The following CHI3L2 variants were observed in gnomAD, a reference collection of about 807,000 sequenced individuals.
CHI3L2 encodes the protein chitinase-3-like protein 2.
CHI3L2 carries 47 observed loss-of-function variants against 47.3 expected under a neutral mutation model. The observed-to-expected ratio is 0.99, with a 90% CI of 0.79 to 1.27. The LOEUF (loss-of-function observed/expected upper bound fraction) is 1.27, where lower values mean the gene tolerates loss of function less well. CHI3L2 is among the 50% of genes most tolerant of loss of function. The probability of loss-of-function intolerance (pLI) is 0.00; values close to 1 mark genes in which losing one functional copy is unlikely to be tolerated. For synonymous variants in CHI3L2, 198 were observed against 169.9 expected, an observed-to-expected ratio of 1.17 and a Z score of -1.28; for missense variants, 497 against 462.1, an observed-to-expected ratio of 1.08 and a Z score of -0.69.
chr1:111,230,892 A>C lies in CHI3L2; in HGVS notation c.221A>C (p.Lys74Thr), dbSNP rs1659697083. 1 of 1,614,084 alleles carries C rather than the reference A, an allele frequency of 6.2e-7. No individual in the cohort carries two copies. Among genetic ancestry groups the C allele is most frequent in the South Asian group, 1.1e-5 (1 of 91,088 alleles). ...ATCGAAAACAACAAGGTTATCATCA[A>C]GGACAAGAGTGAAGTGATGCTCTAC... ...ASIENNKVII[K>T]DKSEVMLYQT... The change falls in exon 3 of 11, where the codon AAG (lysine) becomes ACG (threonine). Residue 74 changes from lysine to threonine, a missense_variant. Transcript: ENST00000369748.
In CHI3L2 at chr1:111,242,318, C is replaced by T. The variant is rs750652763; in HGVS notation, c.1127C>T (p.Pro376Leu). The part of the protein sequence containing the change: ...DFTGKSCNQG[P>L]YPLVQAVKRS... The stretch of plus-strand genomic sequence containing the variant: ...ACTGGCAAATCCTGCAACCAGGGCC[C>T]TTACCCTCTTGTCCAAGCAGTCAAG... Residue 376 changes from proline (P) to leucine (L), a missense_variant, in exon 10 of 11, where the codon CCT (proline) becomes CTT (leucine). By Grantham distance (98) the Pro-to-Leu change is moderately conservative. Transcript: ENST00000369748. 4.3e-6 allele frequency: 7 copies of T among 1,613,674 alleles called. No individual in the cohort carries two copies. Among genetic ancestry groups the T allele is most frequent in the Non-Finnish European group, 5.9e-6 (7 of 1,179,886 alleles).
Position 111,242,386 on chromosome 1 carries a change from C to A in CHI3L2, c.*2+20C>A. ...GTGAAGGTAACAGTCCAGGCTGGAGCTGGGAGTGGGCAGACAGCTGGGCAG... is the reference window on the plus strand; with the variant it reads ...GTGAAGGTAACAGTCCAGGCTGGAGATGGGAGTGGGCAGACAGCTGGGCAG... On this transcript the variant is annotated intron_variant, in intron 10 of 10. Transcript: ENST00000369748. 1.3e-6 allele frequency: 2 copies of A among 1,579,300 alleles called. No homozygotes were observed. Among genetic ancestry groups the A allele is most frequent in the South Asian group, 1.2e-5 (1 of 84,900 alleles).
chr1:111,242,394 G>A, intron 10 of CHI3L2, 28 bp downstream of exon 10: 1 of 1,572,148 alleles, frequency 6.4e-7, no homozygotes, highest in Non-Finnish European at 8.6e-7. Flanking sequence ...AGCTGGGAGT[G>A]GGCAGACAGC....
chr1:111,238,768 T>C lies in CHI3L2; in HGVS notation c.754T>C (p.Trp252Arg). Residue 252 changes from tryptophan (W) to arginine (R), a missense_variant, in exon 8 of 11, where the codon TGG (tryptophan) becomes CGG (arginine). Trp to Arg is a moderately radical substitution (Grantham distance 101). Coordinates refer to ENST00000369748, the MANE Select transcript of CHI3L2 (RefSeq NM_004000.3). The stretch of plus-strand genomic sequence containing the variant: ...ATTCTAGGAATATGCTGTGGGGTAC[T>C]GGATACATAAGGGAATGCCATCAGA... ...YYNVEYAVGY[W>R]IHKGMPSEKV... 5.0e-6 allele frequency: 8 copies of C among 1,614,026 alleles called. No homozygotes were observed. Among genetic ancestry groups the C allele is most frequent in the Non-Finnish European group, 6.8e-6 (8 of 1,179,940 alleles).
Position 111,230,812 on chromosome 1 carries a change from C to G in CHI3L2, c.141C>G (p.Thr47=). Residue 47 remains threonine, a synonymous_variant, in exon 3 of 11, where the codon ACC becomes ACG. Coordinates refer to ENST00000369748, the MANE Select transcript of CHI3L2 (RefSeq NM_004000.3). The part of the protein sequence containing the change: ...SQDRQEPGKF[T]PENIDPFLCS... ...ACCGGCAGGAACCAGGAAAATTCACCCCTGAGAATATTGACCCCTTCCTAT... is the reference window on the plus strand; with the variant it reads ...ACCGGCAGGAACCAGGAAAATTCACGCCTGAGAATATTGACCCCTTCCTAT... The G allele has an allele frequency of 6.2e-7, 1 of 1,614,052 alleles. No homozygotes were observed. Among genetic ancestry groups the G allele is most frequent in the Non-Finnish European group, 8.5e-7 (1 of 1,180,010 alleles).
chr1:111,243,153 G>A (rs990680382), intron 10 of CHI3L2, 64 bp from the exon 11 acceptor site: 5 of 455,904 alleles, frequency 1.1e-5, no homozygotes, highest in African/African-American at 6.0e-5. Flanking sequence ...CCATTGTTTA[G>A]TAACTTGACT....
chr1:111,233,650 G>T (rs972561519), intron 4 of CHI3L2, among the ~76,000 whole-genome samples: 1 of 152,048 alleles, frequency 6.6e-6, no homozygotes, highest in African/African-American at 2.4e-5. Flanking sequence ...ACTGGGAAGT[G>T]AGGAGCCCCT....
At position 111,236,167 on chromosome 1, in the gene CHI3L2, G is replaced by C. The variant is rs754858405; in HGVS notation, c.735+14G>C. Reference sequence around the variant, plus strand: ...TACTACAATGTGGTGAGTAGGCCAGGGGAACCGCAGGGGTACTGGCTGTGG... The same window carrying C: ...TACTACAATGTGGTGAGTAGGCCAGCGGAACCGCAGGGGTACTGGCTGTGG... On this transcript the variant is annotated intron_variant, in intron 7 of 10. Coordinates refer to ENST00000369748, the MANE Select transcript of CHI3L2 (RefSeq NM_004000.3). 6.2e-7 allele frequency: 1 copy of C among 1,613,694 alleles called. No individual in the cohort carries two copies. The highest frequency in any genetic ancestry group is 8.5e-7 in the Non-Finnish European group (1 of 1,179,730).
chr1:111,240,140 A>AT (rs1053127842), intron 8 of CHI3L2, among the ~76,000 whole-genome samples: 2 of 151,942 alleles, frequency 1.3e-5, no homozygotes, highest in South Asian at 4.2e-4. Flanking sequence ...GAGAAAAAAA[A>AT]ATATCATTCT....
At chr1:111,231,133 C>CA in intron 3 of CHI3L2, 105 bp from the exon 4 acceptor site, 1 of 1,083,420 alleles carries the variant, frequency 9.2e-7, no homozygotes, top group Non-Finnish European at 1.4e-6. Flanking sequence ...TTCAAACAGC[C>CA]AGGCCCTAAT....
Position 111,235,658 on chromosome 1 carries a change from A to G in CHI3L2, c.500A>G (p.Gln167Arg), listed in dbSNP as rs765221213. 20 of 1,614,000 alleles carry G rather than the reference A, an allele frequency of 1.2e-5. No individual in the cohort carries two copies. The African/African-American group carries it at 2.3e-4, about 18-fold the overall frequency. Residue 167 changes from glutamine (Q) to arginine (R), a missense_variant, in exon 6 of 11, where the codon CAG becomes CGG. Coordinates refer to ENST00000369748, the MANE Select transcript of CHI3L2 (RefSeq NM_004000.3). ...VLIHELAEAF[Q>R]KDFTKSTKER... ...TCCTAGGAGTTAGCAGAAGCCTTTC[A>G]GAAGGACTTCACAAAATCCACCAAG...
At chr1:111,234,146 C>A (rs1659808694) in intron 4 of CHI3L2, among the ~76,000 whole-genome samples, 1 of 149,384 alleles carries the variant, frequency 6.7e-6, no homozygotes, top group Non-Finnish European at 1.5e-5. Context: ...TCCTATGACC[C>A]TGCCAAATCC....
chr1:111,238,945 C>A lies in CHI3L2; in HGVS notation c.918+13C>A, dbSNP rs374279719. The A allele has an allele frequency of 1.5e-5, 24 of 1,564,734 alleles. No homozygotes were observed. The highest frequency in any genetic ancestry group is 2.0e-5 in the Non-Finnish European group (23 of 1,159,522). ...GGCCTATTATGAGGTACCTGGAAAC[C>A]CCCTGTACCCTCAGCTCCCTGCCAT... On this transcript the variant is annotated intron_variant, in intron 8 of 10. Transcript: ENST00000369748.
intron 4 of CHI3L2, among the ~76,000 whole-genome samples, chr1:111,232,067 T>C (rs1342762124): frequency 2.0e-5 from 3 of 152,224 alleles, no homozygotes; most frequent in Admixed American, 1.3e-4. Flanking sequence ...AGAAATCTGA[T>C]AGTACAACTT....
At position 111,242,126 on chromosome 1, in the gene CHI3L2, T is replaced by G. The variant is rs1001150354; in HGVS notation, c.1036-101T>G. The G allele has an allele frequency of 2.1e-6, 3 of 1,460,924 alleles. No individual in the cohort carries two copies. In the South Asian group the frequency reaches 3.5e-5, roughly 17 times the overall value. The allele number at this position is 1,460,924 out of a possible 1,614,324, so 90.5% of individuals were successfully genotyped here. Reference sequence around the variant, plus strand: ...AACTCCAGAAAACCAGTTAGTCTACTGCTGTATTTTAAGCTTAGTCCCTCA... The same window carrying G: ...AACTCCAGAAAACCAGTTAGTCTACGGCTGTATTTTAAGCTTAGTCCCTCA... On this transcript the variant is annotated intron_variant, in intron 9 of 10. Coordinates refer to ENST00000369748, the MANE Select transcript of CHI3L2 (RefSeq NM_004000.3).
intron 8 of CHI3L2, among the ~76,000 whole-genome samples, chr1:111,239,882 C>A (rs1438185792): frequency 6.6e-6 from 1 of 152,146 alleles, no homozygotes; most frequent in African/African-American, 2.4e-5. Context: ...ATCCTTGTCT[C>A]TAAAGGGGTT....
intron 4 of CHI3L2, among the ~76,000 whole-genome samples, chr1:111,233,682 T>C (rs1659793969): frequency 6.6e-6 from 1 of 151,858 alleles, no homozygotes; most frequent in Admixed American, 6.6e-5. Context: ...CCACCCCGTC[T>C]GGGAGGTGTA....
At chr1:111,232,890 C>T (rs1438460430) in intron 4 of CHI3L2, among the ~76,000 whole-genome samples, 1 of 152,208 alleles carries the variant, frequency 6.6e-6, no homozygotes, top group East Asian at 1.9e-4. Context: ...ACTATTTCCA[C>T]CGTAGTTTTC....
chr1:111,243,125 C>T (rs1660111417), intron 10 of CHI3L2, 92 bp from the exon 11 acceptor site: 3 of 455,442 alleles, frequency 6.6e-6, no homozygotes, highest in Non-Finnish European at 1.3e-5. Context: ...TGGGTAGCAG[C>T]CTTCCAACTC....
Sources: allele counts gnomAD v4.1 joint callset (sites outside exome capture counted in the v4.1 genomes callset), GRCh38; gene constraint gnomAD v4.1.1; transcripts MANE v1.5; gene names NCBI Gene and HGNC (gene_info 2026-07-23, HGNC 2026-07-21).